The following ITGA1 variants were observed in gnomAD, a reference collection of about 807,000 sequenced individuals.
ITGA1 encodes the protein integrin subunit alpha 1, also known as integrin alpha-1.
Under a neutral mutation model 145.9 loss-of-function variants are expected in ITGA1, and 85 were observed. The ratio of observed to expected loss-of-function variants is 0.58; its 90% CI spans 0.49 to 0.70. The LOEUF (loss-of-function observed/expected upper bound fraction) is 0.70, where lower values mean the gene tolerates loss of function less well. Among genes scored for constraint, ITGA1 ranks in the 30% least tolerant of loss-of-function variants. ITGA1 has a pLI of 0.00. For missense variants in ITGA1, 1,351 were observed against 1,418.7 expected, an observed-to-expected ratio of 0.95 and a Z score of 0.77; for synonymous variants, 520 against 495.3, an observed-to-expected ratio of 1.05 and a Z score of -0.66.
intron 2 of ITGA1, among the ~76,000 whole-genome samples, chr5:52,854,277 C>T (rs1001940670): frequency 6.6e-6 from 1 of 152,094 alleles, no homozygotes; most frequent in African/African-American, 2.4e-5. Context: ...AAAAAGAATC[C>T]CTGCTAATGT....
At chr5:52,874,841 G>T (rs1002238998) in intron 6 of ITGA1, among the ~76,000 whole-genome samples, 2 of 152,090 alleles carry the variant, frequency 1.3e-5, no homozygotes, top group Non-Finnish European at 2.9e-5. Context: ...ATATAATGAA[G>T]GTGAATTTAA....
At chr5:52,900,894 A>G (rs1034510735) in intron 11 of ITGA1, among the ~76,000 whole-genome samples, 2 of 152,064 alleles carry the variant, frequency 1.3e-5, no homozygotes, top group Non-Finnish European at 2.9e-5. Context: ...TTTATTATGT[A>G]AATGTTATTA....
chr5:52,928,404 TA>T (rs1159351094), intron 20 of ITGA1, among the ~76,000 whole-genome samples: 1 of 152,136 alleles, frequency 6.6e-6, no homozygotes, highest in African/African-American at 2.4e-5. Context: ...TCTCTCTTTC[TA>T]AAAAAAAATT....
At chr5:52,809,913 A>G (rs1215227613) in intron 1 of ITGA1, among the ~76,000 whole-genome samples, 1 of 152,198 alleles carries the variant, frequency 6.6e-6, no homozygotes, top group Non-Finnish European at 1.5e-5. Flanking sequence ...AGGAGACATC[A>G]TGGAGAAGGA....
At chr5:52,854,325 G>T (rs540444239) in intron 2 of ITGA1, among the ~76,000 whole-genome samples, 9 of 152,146 alleles carry the variant, frequency 5.9e-5, no homozygotes, top group East Asian at 1.9e-4. Context: ...ACATTTTAAG[G>T]GTTTACACAA....
chr5:52,870,683 T>A, intron 6 of ITGA1, among the ~76,000 whole-genome samples: 1 of 152,170 alleles, frequency 6.6e-6, no homozygotes, highest in Non-Finnish European at 1.5e-5. Flanking sequence ...CCAGAGATTG[T>A]TAGAATGCAT....
chr5:52,816,364 G>C (rs1748775583), intron 1 of ITGA1, among the ~76,000 whole-genome samples: 1 of 152,156 alleles, frequency 6.6e-6, no homozygotes, highest in East Asian at 1.9e-4. Flanking sequence ...ATCTTTTAGA[G>C]ATAGTTCAAT....
At chr5:52,873,293 C>G (rs1749812395) in intron 6 of ITGA1, among the ~76,000 whole-genome samples, 1 of 152,132 alleles carries the variant, frequency 6.6e-6, no homozygotes, top group Non-Finnish European at 1.5e-5. Flanking sequence ...TCCCCTCAGC[C>G]CTAATTTCTC....
At chr5:52,947,029 A>G (rs79705105) in intron 27 of ITGA1, among the ~76,000 whole-genome samples, 2,662 of 152,322 alleles carry the variant, frequency 0.017, 90 homozygotes, top group East Asian at 0.15. Flanking sequence ...TCTTTAACAC[A>G]CATAATACTT....
In ITGA1 at chr5:52,875,597, A is replaced by G. The variant is rs182272401; in HGVS notation, c.625-6276A>G. On this transcript the variant is annotated intron_variant, in intron 6 of 28. Coordinates refer to ENST00000282588, the MANE Select transcript of ITGA1 (RefSeq NM_181501.2). ...AAAAGGAATTTTCCTTCTGCATGTGACTCCTTATCCCCCGTGATATTATAA... is the reference window on the plus strand; with the variant it reads ...AAAAGGAATTTTCCTTCTGCATGTGGCTCCTTATCCCCCGTGATATTATAA... Among the ~76,000 whole-genome samples the G allele has an allele frequency of 3.9e-5, 6 of 152,076 alleles. No individual in the cohort carries two copies. In the East Asian group the frequency reaches 1.2e-3, roughly 29 times the overall value.
At chr5:52,909,689 C>CTT (rs11389671) in intron 13 of ITGA1, among the ~76,000 whole-genome samples, 9 of 150,722 alleles carry the variant, frequency 6.0e-5, no homozygotes, top group African/African-American at 2.2e-4. Flanking sequence ...CTCCTGTCAA[C>CTT]TTTTTTTGTC....
chr5:52,832,976 G>A (rs1254579689), intron 1 of ITGA1, among the ~76,000 whole-genome samples: 2 of 140,384 alleles, frequency 1.4e-5, no homozygotes, highest in African/African-American at 2.7e-5. Context: ...TAGATCATTT[G>A]AGTTCAAGAG....
At chr5:52,804,918 T>C (rs544943452) in intron 1 of ITGA1, among the ~76,000 whole-genome samples, 1 of 152,122 alleles carries the variant, frequency 6.6e-6, no homozygotes, top group African/African-American at 2.4e-5. Context: ...AACTTAGATA[T>C]GGGGTGTAAA....
chr5:52,885,121 A>G (rs1750027406), intron 7 of ITGA1, among the ~76,000 whole-genome samples: 1 of 152,206 alleles, frequency 6.6e-6, no homozygotes, highest in Admixed American at 6.5e-5. Flanking sequence ...GCTATGAGGG[A>G]AAGGTGTCAG....
At position 52,918,739 on chromosome 5, in the gene ITGA1, G is replaced by A; in HGVS notation, c.1996G>A (p.Asp666Asn). 1 of 1,607,668 alleles carries A rather than the reference G, an allele frequency of 6.2e-7. No homozygotes were observed. Among genetic ancestry groups the A allele is most frequent in the Non-Finnish European group, 8.5e-7 (1 of 1,178,054 alleles). The change falls in exon 16 of 29, where the codon GAT becomes AAT. Residue 666 changes from aspartate (D) to asparagine (N), a missense_variant. By Grantham distance (23) the Asp-to-Asn change is conservative. Transcript: ENST00000282588. Reference protein sequence around the residue: ...LGGAALFWSRDVAVVKVTMNF... With the variant: ...LGGAALFWSRNVAVVKVTMNF... ...CATTGTTTTTGTTTGTAGGTCCCGA[G>A]ATGTGGCCGTAGTTAAAGTGACCAT...
At chr5:52,927,529 G>A (rs913753236) in intron 19 of ITGA1, 55 bp from the exon 20 acceptor site, 32 of 1,222,840 alleles carry the variant, frequency 2.6e-5, no homozygotes, top group Non-Finnish European at 3.6e-5. Context: ...GAAAGAACAC[G>A]TATCAATATT....
intron 1 of ITGA1, among the ~76,000 whole-genome samples, chr5:52,791,384 T>G (rs567521604): frequency 7.0e-4 from 106 of 152,270 alleles, no homozygotes; most frequent in African/African-American, 2.5e-3. Context: ...TGAACTCTAG[T>G]TATGGGAGGG....
chr5:52,817,002 G>A (rs1649942718), intron 1 of ITGA1, among the ~76,000 whole-genome samples: 1 of 152,118 alleles, frequency 6.6e-6, no homozygotes, highest in African/African-American at 2.4e-5. Context: ...GGAAGCACTG[G>A]GAGTGATAAA....
intron 6 of ITGA1, among the ~76,000 whole-genome samples, chr5:52,868,886 T>C (rs970628086): frequency 2.6e-5 from 4 of 152,210 alleles, no homozygotes; most frequent in Non-Finnish European, 4.4e-5. Flanking sequence ...CTTAACCATA[T>C]ACATTCATTC....
Sources: allele counts gnomAD v4.1 joint callset (sites outside exome capture counted in the v4.1 genomes callset), GRCh38; gene constraint gnomAD v4.1.1; transcripts MANE v1.5; gene names NCBI Gene and HGNC (gene_info 2026-07-23, HGNC 2026-07-21).